DGKB: variants seen among roughly 807,000 people sequenced by gnomAD.
The protein encoded by DGKB is 90 kDa diacylglycerol kinase.
Under a neutral mutation model 114.3 loss-of-function variants are expected in DGKB, and 67 were observed. The observed-to-expected ratio is 0.59, with a 90% CI of 0.48 to 0.72. The LOEUF is 0.72. DGKB is among the 30% of genes least tolerant of loss of function. The pLI is 0.00. For missense variants in DGKB, 907 were observed against 975.2 expected, an observed-to-expected ratio of 0.93 and a Z score of 0.93; for synonymous variants, 398 against 323.1, an observed-to-expected ratio of 1.23 and a Z score of -2.49.
At chr7:14,710,542 T>TA (rs1432197538) in intron 6 of DGKB, among the ~76,000 whole-genome samples, 1 of 152,142 alleles carries the variant, frequency 6.6e-6, no homozygotes, top group African/African-American at 2.4e-5. Context: ...GAACTATACT[T>TA]AGAGTAGTGG....
At chr7:14,336,569 T>C (rs1810711882) in intron 23 of DGKB, among the ~76,000 whole-genome samples, 1 of 152,124 alleles carries the variant, frequency 6.6e-6, no homozygotes, top group Non-Finnish European at 1.5e-5. Context: ...TTTCCCAGAA[T>C]TTATGGGAAA....
chr7:14,629,459 A>G (rs904560696), intron 14 of DGKB, among the ~76,000 whole-genome samples: 2 of 152,040 alleles, frequency 1.3e-5, no homozygotes, highest in African/African-American at 2.4e-5. Context: ...TTTTTTACAA[A>G]CATGTTATCC....
Position 14,484,714 on chromosome 7 carries a change from C to A in DGKB, c.1771-6489G>T, listed in dbSNP as rs550351393. Among the ~76,000 whole-genome samples, 7 of 152,264 alleles carry A rather than the reference C, an allele frequency of 4.6e-5. No homozygotes were observed. In the East Asian group the frequency reaches 1.2e-3, roughly 25 times the overall value. ...TTTACAGCAAGCAAGAATGGCCTAA[C>A]ACACCCCAGATAGCACTGCTGAGTA... On this transcript the variant is annotated intron_variant, in intron 20 of 25. Coordinates refer to ENST00000402815, the MANE Select transcript of DGKB (RefSeq NM_001350709.2).
intron 23 of DGKB, among the ~76,000 whole-genome samples, chr7:14,251,069 A>AT (rs1384186378): frequency 6.6e-6 from 1 of 152,070 alleles, no homozygotes; most frequent in Non-Finnish European, 1.5e-5. Flanking sequence ...TGGATACTGT[A>AT]TTTTTATCCA....
chr7:14,672,655 G>T (rs1000324011), intron 13 of DGKB, among the ~76,000 whole-genome samples: 1 of 151,980 alleles, frequency 6.6e-6, no homozygotes, highest in Non-Finnish European at 1.5e-5. Flanking sequence ...GAAGTCTTCT[G>T]CCTTTACAAT....
At chr7:14,206,289 C>A (rs917608957) in intron 23 of DGKB, among the ~76,000 whole-genome samples, 8 of 151,908 alleles carry the variant, frequency 5.3e-5, no homozygotes, top group African/African-American at 1.9e-4. Flanking sequence ...AATTAACCAA[C>A]CTTAAGGGAA....
At chr7:14,275,363 G>A (rs1001752389) in intron 23 of DGKB, among the ~76,000 whole-genome samples, 7 of 152,112 alleles carry the variant, frequency 4.6e-5, no homozygotes, top group Admixed American at 3.9e-4. Flanking sequence ...ATTGGATTAT[G>A]AGCATTCTTT....
intron 21 of DGKB, among the ~76,000 whole-genome samples, chr7:14,376,584 G>A (rs1173078891): frequency 6.6e-6 from 1 of 152,020 alleles, no homozygotes; most frequent in Non-Finnish European, 1.5e-5. Flanking sequence ...CTTTATAGCA[G>A]AGATGACATT....
chr7:14,661,412 C>T (rs1298855344), intron 13 of DGKB, among the ~76,000 whole-genome samples: 41 of 141,282 alleles, frequency 2.9e-4, no homozygotes, highest in African/African-American at 1.0e-3. Context: ...ACAGACACTT[C>T]TCAAAAGAAG....
intron 3 of DGKB, among the ~76,000 whole-genome samples, chr7:14,756,744 C>CA (rs140708663): frequency 6.2e-4 from 89 of 144,124 alleles, no homozygotes; most frequent in South Asian, 1.1e-3. Context: ...TGCAAACATA[C>CA]AAAAAAAAAA....
intron 23 of DGKB, among the ~76,000 whole-genome samples, chr7:14,244,484 G>C: frequency 6.8e-6 from 1 of 147,746 alleles, no homozygotes; most frequent in Non-Finnish European, 1.5e-5. Context: ...GTGAAACCCC[G>C]TCTCTACTAA....
intron 1 of DGKB, among the ~76,000 whole-genome samples, chr7:14,930,134 C>A (rs1210266748): frequency 1.3e-5 from 2 of 152,066 alleles, no homozygotes; most frequent in Admixed American, 1.3e-4. Flanking sequence ...AGCCCTATAG[C>A]ATAATTTGAG....
intron 23 of DGKB, among the ~76,000 whole-genome samples, chr7:14,180,516 G>C (rs531701100): frequency 6.6e-6 from 1 of 152,098 alleles, no homozygotes; most frequent in African/African-American, 2.4e-5. Flanking sequence ...TCATGTTCTT[G>C]CTAACACAAA....
At chr7:14,390,614 T>A (rs1821164115) in intron 21 of DGKB, among the ~76,000 whole-genome samples, 1 of 152,188 alleles carries the variant, frequency 6.6e-6, no homozygotes, top group Non-Finnish European at 1.5e-5. Flanking sequence ...AAGACAAAAA[T>A]GAATTATGAT....
chr7:14,973,527 G>GTTTTTTTTTTTTTTTTTTT (rs11300261), intron 1 of DGKB, among the ~76,000 whole-genome samples: 18 of 137,270 alleles, frequency 1.3e-4, no homozygotes, highest in Non-Finnish European at 1.9e-4. Context: ...TTGTTTTTTT[G>GTTTTTTTTTTTTTTTTTTT]TTTTTTTTTT....
At chr7:14,917,366 G>A (rs1335696477) in intron 1 of DGKB, among the ~76,000 whole-genome samples, 1 of 151,988 alleles carries the variant, frequency 6.6e-6, no homozygotes, top group Non-Finnish European at 1.5e-5. Context: ...AATAAAATTA[G>A]TGAACTTCTA....
intron 1 of DGKB, among the ~76,000 whole-genome samples, 193 bp from the exon 2 acceptor site, chr7:14,841,643 C>T (rs894237046): frequency 5.3e-5 from 8 of 152,100 alleles, no homozygotes; most frequent in Admixed American, 2.6e-4. Context: ...CCACATTCCA[C>T]GAGTAGACAG....
At chr7:14,172,038 G>A (rs1376040212) in intron 25 of DGKB, among the ~76,000 whole-genome samples, 4 of 152,144 alleles carry the variant, frequency 2.6e-5, no homozygotes, top group African/African-American at 4.8e-5. Flanking sequence ...AAAAAGGAGT[G>A]GAGAAGTGGA....
intron 20 of DGKB, among the ~76,000 whole-genome samples, chr7:14,522,122 C>A (rs1265652667): frequency 6.6e-6 from 1 of 152,112 alleles, no homozygotes; most frequent in Non-Finnish European, 1.5e-5. Flanking sequence ...TGCTTACCAC[C>A]TTGGTTATTA....
Sources: allele counts gnomAD v4.1 joint callset (sites outside exome capture counted in the v4.1 genomes callset), GRCh38; gene constraint gnomAD v4.1.1; transcripts MANE v1.5; gene names NCBI Gene and HGNC (gene_info 2026-07-23, HGNC 2026-07-21).